Variants in PKHD1 observed in about 807,000 individuals in gnomAD.
The protein encoded by PKHD1 is fibrocystin.
Under a neutral mutation model 412.0 loss-of-function variants are expected in PKHD1, and 291 were observed. The ratio of observed to expected loss-of-function variants is 0.71; its 90% CI spans 0.64 to 0.78. The LOEUF is 0.78. Ranked by LOEUF, PKHD1 falls within the 30% of genes least tolerant of loss-of-function variation. PKHD1 has a pLI of 0.00. For missense variants in PKHD1, 4,825 were observed against 4,950.7 expected (o/e 0.97, Z 0.76); for synonymous variants, 1,777 against 1,821.5 (o/e 0.98, Z 0.62).
At chr6:52,045,358 C>A (rs1001806850) in intron 24 of PKHD1, among the ~76,000 whole-genome samples, 2 of 152,192 alleles carry the variant, frequency 1.3e-5, no homozygotes, top group African/African-American at 4.8e-5. Flanking sequence ...AGACACTTTG[C>A]TTCTCCATGC....
At chr6:51,745,697 C>T (rs1785103654) in intron 59 of PKHD1, among the ~76,000 whole-genome samples, 1 of 152,034 alleles carries the variant, frequency 6.6e-6, no homozygotes, top group Non-Finnish European at 1.5e-5. Flanking sequence ...CAGTGAGACC[C>T]CATCTCCAAA....
intron 29 of PKHD1, among the ~76,000 whole-genome samples, chr6:52,031,372 T>C (rs914767060): frequency 5.9e-5 from 9 of 152,208 alleles, no homozygotes; most frequent in African/African-American, 1.9e-4. Flanking sequence ...GATCAGACCA[T>C]GCTCCAATAA....
intron 60 of PKHD1, among the ~76,000 whole-genome samples, chr6:51,680,829 C>T (rs191319918): frequency 9.9e-5 from 15 of 151,906 alleles, no homozygotes; most frequent in African/African-American, 3.1e-4. Flanking sequence ...GATAAATGAA[C>T]GGTTAACGTT....
chr6:52,042,782 CAGAAGGACT>C (rs770836884), intron 27 of PKHD1, 68 bp downstream of exon 27: 22 of 1,300,686 alleles, frequency 1.7e-5, no homozygotes, highest in Non-Finnish European at 2.4e-5. Context: ...ATTCATTACA[CAGAAGGACT>C]AGATTCCTAT....
At chr6:51,909,131 C>T in intron 40 of PKHD1, 152 bp downstream of exon 40, 1 of 704,736 alleles carries the variant, frequency 1.4e-6, no homozygotes, top group Non-Finnish European at 2.5e-6. Context: ...TTTAGGCATA[C>T]TGAAGTTTGG....
intron 60 of PKHD1, among the ~76,000 whole-genome samples, chr6:51,687,691 T>TTA (rs1777617288): frequency 6.6e-6 from 1 of 152,222 alleles, no homozygotes; most frequent in Admixed American, 6.5e-5. Flanking sequence ...ACAAAGTGAA[T>TTA]TAATTAAATA....
chr6:51,819,709 G>C (rs1766060458), intron 52 of PKHD1, among the ~76,000 whole-genome samples: 1 of 152,138 alleles, frequency 6.6e-6, no homozygotes, highest in African/African-American at 2.4e-5. Context: ...CCAGTAAATA[G>C]TTGCTGAATA....
chr6:51,991,015 A>G (rs1796982965), intron 35 of PKHD1, among the ~76,000 whole-genome samples: 1 of 152,204 alleles, frequency 6.6e-6, no homozygotes, highest in South Asian at 2.1e-4. Flanking sequence ...ATAAATGTTC[A>G]ATGTATTTGA....
intron 62 of PKHD1, among the ~76,000 whole-genome samples, chr6:51,648,395 T>C (rs1199940557): frequency 6.6e-6 from 1 of 152,160 alleles, no homozygotes; most frequent in African/African-American, 2.4e-5. Context: ...TGGTACTATG[T>C]GCTGAAGGTT....
chr6:51,981,322 CCTCTCCCTCT>C (rs1795158489), intron 35 of PKHD1, among the ~76,000 whole-genome samples: 1 of 16,504 alleles, frequency 6.1e-5, no homozygotes, highest in Admixed American at 4.9e-4. Context: ...TCTCCCTCTC[CCTCTCCCTCT>C]CCCTCTCCCT....
In PKHD1 at chr6:52,017,561, C is replaced by T. The variant is rs762743722; in HGVS notation, c.5449G>A (p.Val1817Met). 3 of 1,614,120 alleles carry T rather than the reference C, an allele frequency of 1.9e-6. No homozygotes were observed. Among genetic ancestry groups the T allele is most frequent in the Non-Finnish European group, 2.5e-6 (3 of 1,179,970 alleles). ...DSCEAARHTY[V>M]QCDLTVAMAT... ...ATGGCAACTGTCAAATCACACTGCA[C>T]ATAGGTGTGTCTGGCAGCCTCACAG... The change falls in exon 34 of 67, where the codon GTG becomes ATG. Residue 1817 changes from valine (V) to methionine (M), a missense_variant. Coordinates refer to ENST00000371117, the MANE Select transcript of PKHD1 (RefSeq NM_138694.4).
chr6:52,051,190 T>C (rs1300634053), intron 21 of PKHD1, among the ~76,000 whole-genome samples: 1 of 152,182 alleles, frequency 6.6e-6, no homozygotes, highest in Non-Finnish European at 1.5e-5. Context: ...GCTGTGTGAA[T>C]TGGGGCAAAA....
intron 21 of PKHD1, among the ~76,000 whole-genome samples, chr6:52,051,764 T>G (rs529462609): frequency 1.5e-5 from 2 of 129,654 alleles, no homozygotes; most frequent in South Asian, 2.4e-4. Context: ...CTCCAGTGTA[T>G]GAAATATTGA....
chr6:51,805,812 A>T (rs1763672338), intron 52 of PKHD1, among the ~76,000 whole-genome samples: 1 of 152,128 alleles, frequency 6.6e-6, no homozygotes, highest in South Asian at 2.1e-4. Flanking sequence ...CAGGAGAAGA[A>T]TAATTAAGAG....
At chr6:51,950,220 A>AAATATATATATATATATAT in intron 36 of PKHD1, among the ~76,000 whole-genome samples, 86 of 98,292 alleles carry the variant, frequency 8.7e-4, no homozygotes, top group Middle Eastern at 4.8e-3. Context: ...GAAAAAAAAA[A>AAATATATATATATATATAT]ATATATATAT....
chr6:52,043,434 T>C (rs966196922), intron 26 of PKHD1, among the ~76,000 whole-genome samples, 191 bp downstream of exon 26: 2 of 152,190 alleles, frequency 1.3e-5, no homozygotes, highest in Non-Finnish European at 1.5e-5. Flanking sequence ...CAAAAGTCCA[T>C]CTCTCCCCAT....
chr6:51,642,545 T>C (rs1362858640), intron 63 of PKHD1, among the ~76,000 whole-genome samples: 4 of 151,776 alleles, frequency 2.6e-5, no homozygotes, highest in Non-Finnish European at 1.5e-5. Context: ...GTAAGGGATA[T>C]AAGTAAGGGA....
chr6:51,755,026 G>A, intron 55 of PKHD1, 88 bp from the exon 56 acceptor site: 1 of 1,094,368 alleles, frequency 9.1e-7, no homozygotes, highest in Non-Finnish European at 1.4e-6. Context: ...GAAATCCACT[G>A]TGACCAACAT....
At chr6:52,047,939 A>T (rs527474692) in intron 23 of PKHD1, among the ~76,000 whole-genome samples, 1 of 152,380 alleles carries the variant, frequency 6.6e-6, no homozygotes, top group Non-Finnish European at 1.5e-5. Flanking sequence ...GTCCTAGATT[A>T]TCCCAGGTGG....
Sources: gnomAD v4.1 joint callset for allele counts (sites outside exome capture counted in the v4.1 genomes callset) on GRCh38, gnomAD v4.1.1 for gene constraint, MANE v1.5 for transcripts, NCBI Gene and HGNC (gene_info 2026-07-23, HGNC 2026-07-21) for gene names.